Variants in SH3KBP1 observed in about 807,000 individuals in gnomAD.
The protein encoded by SH3KBP1 is SH3 domain-containing kinase-binding protein 1.
Under a neutral mutation model 50.1 loss-of-function variants are expected in SH3KBP1, and 8 were observed. The observed-to-expected ratio is 0.16, with a 90% CI of 0.09 to 0.29. The LOEUF (loss-of-function observed/expected upper bound fraction) is 0.29. SH3KBP1 is among the 10% of genes least tolerant of loss of function. SH3KBP1 has a pLI of 1.00. For synonymous variants in SH3KBP1, 227 were observed against 218.6 expected (o/e 1.04, Z -0.34); for missense variants, 377 against 535.2 (o/e 0.70, Z 2.92).
In SH3KBP1 at chrX:19,541,971, C is replaced by T. The variant is rs1278030645; in HGVS notation, c.1846G>A (p.Val616Ile). The stretch of plus-strand genomic sequence containing the variant: ...TCGATGATGCTCCTCAGCTCGCGGA[C>T]CTGTGTCCTTAGCTCCTCCACGGCC... Reference protein sequence around the residue: ...QAAVEELRTQVRELRSIIETM... With the variant: ...QAAVEELRTQIRELRSIIETM... The change falls in exon 16 of 18, where the codon GTC becomes ATC. Residue 616 changes from valine to isoleucine, a missense_variant. Coordinates refer to ENST00000397821, the MANE Select transcript of SH3KBP1 (RefSeq NM_031892.3). 3 of 1,211,790 alleles carry T rather than the reference C, an allele frequency of 2.5e-6. No homozygotes were observed. The highest frequency in any genetic ancestry group is 2.2e-5 in the Admixed American group (1 of 46,080).
chrX:19,647,812 T>C (rs751143232), intron 6 of SH3KBP1, among the ~76,000 whole-genome samples: 1 of 110,824 alleles, frequency 9.0e-6, no homozygotes, highest in Admixed American at 9.6e-5. Context: ...GAGAACTTGT[T>C]AGTAAAGCAA....
chrX:19,645,587 A>G (rs1602795963), intron 6 of SH3KBP1, 112 bp from the exon 7 acceptor site: 2 of 594,707 alleles, frequency 3.4e-6, no homozygotes, highest in East Asian at 6.7e-5. Flanking sequence ...AAAAAGCCAC[A>G]TTCTTTGGTT....
At chrX:19,669,328 T>TA (rs1448152527) in intron 6 of SH3KBP1, among the ~76,000 whole-genome samples, 545 of 95,885 alleles carry the variant, frequency 5.7e-3, no homozygotes, top group African/African-American at 9.9e-3. Context: ...TAATAATAAT[T>TA]ATTATTATTA....
intron 3 of SH3KBP1, among the ~76,000 whole-genome samples, chrX:19,734,087 G>A (rs1344153343): frequency 2.7e-5 from 3 of 112,261 alleles, no homozygotes; most frequent in Non-Finnish European, 3.8e-5. Context: ...TACTGACAAC[G>A]GCAAGAAAAA....
intron 6 of SH3KBP1, among the ~76,000 whole-genome samples, chrX:19,663,733 G>A (rs1002464562): frequency 3.6e-5 from 4 of 111,717 alleles, no homozygotes; most frequent in African/African-American, 1.3e-4. Flanking sequence ...AGAGTTTATC[G>A]ACTCTCATTA....
intron 2 of SH3KBP1, among the ~76,000 whole-genome samples, chrX:19,774,303 T>C (rs1413351865): frequency 9.0e-6 from 1 of 111,407 alleles, no homozygotes; most frequent in Non-Finnish European, 1.9e-5. Flanking sequence ...AAACAACTGT[T>C]TGAGCAAAAT....
intron 8 of SH3KBP1, among the ~76,000 whole-genome samples, chrX:19,614,577 T>C (rs1287960239): frequency 4.5e-5 from 5 of 111,458 alleles, no homozygotes; most frequent in South Asian, 3.7e-4. Flanking sequence ...AATTTGGGGG[T>C]GGGGAATGGG....
Position 19,624,391 on chromosome X carries a change from G to T in SH3KBP1, c.897+7473C>A, listed in dbSNP as rs1388945586. Among the ~76,000 whole-genome samples the T allele has an allele frequency of 2.7e-5, 3 of 111,607 alleles. No individual in the cohort carries two copies. In the East Asian group the frequency reaches 8.4e-4, roughly 31 times the overall value. ...CATTCTGCAGAGATATGACAATTAG[G>T]TTGAACAAACACAGGATCTCTTTAG... On this transcript the variant is annotated intron_variant, in intron 8 of 17. Transcript: ENST00000397821.
chrX:19,690,271 C>T (rs1333302803), intron 5 of SH3KBP1, among the ~76,000 whole-genome samples: 1 of 110,162 alleles, frequency 9.1e-6, no homozygotes, highest in Non-Finnish European at 1.9e-5. Context: ...TTGCCTAGGC[C>T]GGTCTCAAAC....
chrX:19,683,693 G>A, intron 6 of SH3KBP1, 130 bp downstream of exon 6: 1 of 571,143 alleles, frequency 1.8e-6, no homozygotes, highest in South Asian at 2.8e-5. Context: ...AAGAAGACAG[G>A]ACAAACAACT....
At chrX:19,829,042 A>G (rs1170497310) in intron 2 of SH3KBP1, among the ~76,000 whole-genome samples, 1 of 111,948 alleles carries the variant, frequency 8.9e-6, no homozygotes, top group African/African-American at 3.3e-5. Context: ...CTACAGGTTG[A>G]AAGTCAGTGA....
intron 6 of SH3KBP1, among the ~76,000 whole-genome samples, chrX:19,671,371 A>AACACACACACAC (rs745414505): frequency 0.12 from 12,529 of 101,569 alleles, 780 homozygotes; most frequent in African/African-American, 0.16. Flanking sequence ...ATTACTCATA[A>AACACACACACAC]ACACACACAC....
At chrX:19,761,206 G>A (rs754009414) in intron 2 of SH3KBP1, among the ~76,000 whole-genome samples, 1 of 69,291 alleles carries the variant, frequency 1.4e-5, no homozygotes, top group Non-Finnish European at 2.8e-5. Context: ...AGGAGGGAGG[G>A]GGGGAAGAGA....
rs1569373418 is a variant in SH3KBP1, at chrX:19,643,318, TTTTA to T, written c.802+2078_802+2081del. Among the ~76,000 whole-genome samples, 50 of 86,907 alleles carry T rather than the reference TTTTA, an allele frequency of 5.8e-4. 6 individuals are homozygous for T. The highest frequency in any genetic ancestry group is 3.0e-3 in the African/African-American group (47 of 15,543). 75.5% of individuals were successfully genotyped at this position (86,907 alleles called of 115,157 possible). A position where few individuals can be genotyped will look rare whatever the true frequency, so the allele number is the denominator to read the frequency against. ...CTGAAGAATTTTTTATTTTTTTTTTTTTTATTTTTTTTTTTTTTTGAGACAGGGT... is the reference window on the plus strand; with the variant it reads ...CTGAAGAATTTTTTATTTTTTTTTTTTTTTTTTTTTTTTTTGAGACAGGGT... On this transcript the variant is annotated intron_variant, in intron 7 of 17. Coordinates refer to ENST00000397821, the MANE Select transcript of SH3KBP1 (RefSeq NM_031892.3).
intron 1 of SH3KBP1, among the ~76,000 whole-genome samples, chrX:19,847,913 A>G (rs2068405896): frequency 8.9e-6 from 1 of 112,502 alleles, no homozygotes; most frequent in Non-Finnish European, 1.9e-5. Flanking sequence ...AAAGAAGTGA[A>G]GTTAAAACCC....
At chrX:19,748,650 A>G (rs1344911478) in intron 2 of SH3KBP1, among the ~76,000 whole-genome samples, 1 of 111,493 alleles carries the variant, frequency 9.0e-6, no homozygotes, top group Non-Finnish European at 1.9e-5. Context: ...AACCTAAAAT[A>G]TGTCTTGCAT....
chrX:19,857,131 G>A (rs909888828), intron 1 of SH3KBP1, among the ~76,000 whole-genome samples: 1 of 107,908 alleles, frequency 9.3e-6, no homozygotes, highest in African/African-American at 3.4e-5. Context: ...GACTGGAGGC[G>A]GGGAGGGCAG....
intron 5 of SH3KBP1, chrX:19,695,019 G>A: frequency 1.7e-6 from 2 of 1,202,445 alleles, no homozygotes; most frequent in Non-Finnish European, 2.2e-6. Context: ...GCTGGAAAGG[G>A]CAGCAGAGAA....
chrX:19,723,999 C>G (rs188380930), intron 3 of SH3KBP1, among the ~76,000 whole-genome samples: 53 of 111,819 alleles, frequency 4.7e-4, no homozygotes, highest in Non-Finnish European at 8.5e-4. Flanking sequence ...CAGATAAAGA[C>G]TTTTCTCTTT....
Sources: gnomAD v4.1 joint callset for allele counts (sites outside exome capture counted in the v4.1 genomes callset) on GRCh38, gnomAD v4.1.1 for gene constraint, MANE v1.5 for transcripts, NCBI Gene and HGNC (gene_info 2026-07-23, HGNC 2026-07-21) for gene names.